Variants in DHRS12 observed in about 807,000 individuals in gnomAD.
DHRS12 encodes dehydrogenase/reductase 12.
In DHRS12, 29 loss-of-function variants were observed where a neutral mutation model predicts 32.1. The ratio of observed to expected loss-of-function variants is 0.90; its 90% CI spans 0.67 to 1.23. DHRS12 has a LOEUF of 1.23. DHRS12 is among the 50% of genes most tolerant of loss of function. DHRS12 has a pLI of 0.00. For synonymous variants in DHRS12, 150 were observed against 135.9 expected (o/e 1.10, Z -0.72); for missense variants, 330 against 337.2 (o/e 0.98, Z 0.17).
chr13:51,797,852 C>T (rs1262261601), intron 2 of DHRS12: 1 of 1,535,586 alleles, frequency 6.5e-7, no homozygotes, highest in East Asian at 2.4e-5. Context: ...CGGATGATCT[C>T]ACCCCTGGCA....
intron 2 of DHRS12, among the ~76,000 whole-genome samples, chr13:51,791,736 C>T (rs907372573): frequency 3.3e-5 from 5 of 152,168 alleles, no homozygotes; most frequent in African/African-American, 9.7e-5. Context: ...AACTTTGTGC[C>T]CTTTGATAGT....
At chr13:51,783,841 T>C (rs1223365371) in intron 4 of DHRS12, among the ~76,000 whole-genome samples, 1 of 152,232 alleles carries the variant, frequency 6.6e-6, no homozygotes, top group Non-Finnish European at 1.5e-5. Context: ...TGTGCCTTTT[T>C]ATTGCTGAAT....
At chr13:51,781,301 G>C (rs565806222) in intron 4 of DHRS12, among the ~76,000 whole-genome samples, 6 of 152,172 alleles carry the variant, frequency 3.9e-5, no homozygotes, top group Non-Finnish European at 8.8e-5. Flanking sequence ...AGTGGTTAGC[G>C]TGAGTCAGGC....
intron 1 of DHRS12, among the ~76,000 whole-genome samples, chr13:51,801,530 G>A (rs1052149547): frequency 6.6e-6 from 1 of 152,148 alleles, no homozygotes; most frequent in Admixed American, 6.5e-5. Context: ...TACCGTCCAT[G>A]TTCACACTTG....
At chr13:51,779,544 G>A (rs1324623916) in intron 4 of DHRS12, among the ~76,000 whole-genome samples, 1 of 152,182 alleles carries the variant, frequency 6.6e-6, no homozygotes, top group African/African-American at 2.4e-5. Context: ...AGGTGACTCA[G>A]TGGCAGCCAT....
chr13:51,760,599 C>T, the DHRS12 span: 8 of 152,238 alleles, frequency 5.3e-5, no homozygotes, highest in South Asian at 4.2e-4. Flanking sequence ...GCTTTTTTGA[C>T]GCAGCTCTCC....
chr13:51,760,778 T>G, the DHRS12 span: 3 of 152,326 alleles, frequency 2.0e-5, no homozygotes, highest in African/African-American at 7.2e-5. Context: ...GCATGCGCAG[T>G]TCACAATAGA....
chr13:51,774,187 AC>A (rs746067745), intron 5 of DHRS12, 153 bp from the exon 6 acceptor site: 21 of 628,718 alleles, frequency 3.3e-5, no homozygotes, highest in Non-Finnish European at 5.4e-5. Flanking sequence ...GTATTCTCCT[AC>A]AGTACATGTA....
chr13:51,760,124 G>A, the DHRS12 span: 1 of 204,148 alleles, frequency 4.9e-6, no homozygotes, highest in African/African-American at 2.3e-5. Context: ...AATAAGGGAG[G>A]TATCTACTCA....
At chr13:51,783,564 C>A (rs1181867902) in intron 4 of DHRS12, among the ~76,000 whole-genome samples, 1 of 152,128 alleles carries the variant, frequency 6.6e-6, no homozygotes. Flanking sequence ...TGTAACTACG[C>A]ATTAGACTGT....
the DHRS12 span, chr13:51,760,002 G>A: frequency 2.1e-6 from 1 of 475,166 alleles, no homozygotes; most frequent in South Asian, 4.2e-5. Context: ...TTAACAAATG[G>A]TTTATACAGT....
intron 2 of DHRS12, among the ~76,000 whole-genome samples, chr13:51,797,157 T>C (rs530946917): frequency 7.2e-5 from 11 of 152,304 alleles, no homozygotes; most frequent in African/African-American, 2.4e-4. Context: ...CAGGGCAGCC[T>C]TATGGCTACA....
the DHRS12 span, chr13:51,755,401 A>G: frequency 6.2e-7 from 1 of 1,614,238 alleles, no homozygotes; most frequent in South Asian, 1.1e-5. Flanking sequence ...AAGTGTGATC[A>G]GCCTTTCTTC....
the DHRS12 span, chr13:51,756,238 G>A: frequency 6.6e-6 from 10 of 1,515,622 alleles, no homozygotes; most frequent in Non-Finnish European, 8.8e-6. Flanking sequence ...CCTGGATGCA[G>A]TTGATTACAC....
chr13:51,768,252 A>G lies in DHRS12; in HGVS notation c.742T>C (p.Ser248Pro). Residue 248 changes from serine (S) to proline (P), a missense_variant, in exon 9 of 9, where the codon TCC (serine) becomes CCC (proline). Transcript: ENST00000444610. ...STHLPLATASSSPAEEEKLIE... is the reference protein window; with the variant it reads ...STHLPLATASPSPAEEEKLIE... Reference sequence around the variant, plus strand: ...AGTTTCTCCTCTTCGGCCGGTGAGGAGGACGCTGTAGCGAGAGGCAAGTGT... The same window carrying G: ...AGTTTCTCCTCTTCGGCCGGTGAGGGGGACGCTGTAGCGAGAGGCAAGTGT... 3.9e-6 allele frequency: 6 copies of G among 1,536,092 alleles called. No homozygotes were observed. The highest frequency in any genetic ancestry group is 5.2e-6 in the Non-Finnish European group (6 of 1,146,910).
At chr13:51,770,357 G>A (rs766598359) in intron 7 of DHRS12, among the ~76,000 whole-genome samples, 2 of 152,286 alleles carry the variant, frequency 1.3e-5, no homozygotes, top group African/African-American at 2.4e-5. Context: ...AACAACACAT[G>A]GTAAACTGCA....
chr13:51,801,166 TAGG>T (rs1955736598), intron 1 of DHRS12, among the ~76,000 whole-genome samples: 2 of 152,150 alleles, frequency 1.3e-5, no homozygotes, highest in South Asian at 4.1e-4. Context: ...TGGAACATAT[TAGG>T]AGCTCAATAA....
the DHRS12 span, chr13:51,760,367 T>G: frequency 6.6e-6 from 1 of 152,222 alleles, no homozygotes; most frequent in Non-Finnish European, 1.5e-5. Flanking sequence ...TGAAGAGCGA[T>G]TTGTTTGTAA....
rs1297098780 is a variant in DHRS12, at chr13:51,771,431, C to T, written c.559+390G>A. On this transcript the variant is annotated intron_variant, in intron 7 of 8. Transcript: ENST00000444610. ...CTTCATGCATCATTATTTCCAAAAA[C>T]CTGGGGAGTGGTGAGGCAGTCTGGG... is the stretch of plus-strand genomic sequence containing the variant. The T allele has an allele frequency of 6.2e-6, 10 of 1,614,046 alleles. No individual in the cohort carries two copies. The Admixed American group carries it at 6.7e-5, about 11-fold the overall frequency.
Sources: allele counts gnomAD v4.1 joint callset (sites outside exome capture counted in the v4.1 genomes callset), GRCh38; gene constraint gnomAD v4.1.1; transcripts MANE v1.5; gene names NCBI Gene and HGNC (gene_info 2026-07-23, HGNC 2026-07-21).